AFF3: variants seen among roughly 807,000 people sequenced by gnomAD.
AFF3 encodes the protein ALF transcription elongation factor 3.
A neutral mutation model predicts 129.7 loss-of-function variants in AFF3; 32 were observed. The observed-to-expected ratio is 0.25, with a 90% CI of 0.19 to 0.33. The LOEUF is 0.33. Among genes scored for constraint, AFF3 ranks in the 10% least tolerant of loss-of-function variants. The pLI is 1.00. For synonymous variants in AFF3, 644 were observed against 635.4 expected (o/e 1.01, Z -0.20); for missense variants, 1,373 against 1,592.0 (o/e 0.86, Z 2.34).
intron 8 of AFF3, among the ~76,000 whole-genome samples, chr2:99,800,883 A>G (rs1228219553): frequency 6.6e-6 from 1 of 152,218 alleles, no homozygotes; most frequent in Non-Finnish European, 1.5e-5. Flanking sequence ...AGACTCACCC[A>G]TAGTGACAGA....
chr2:99,684,237 G>T (rs1382802755), intron 11 of AFF3, among the ~76,000 whole-genome samples: 1 of 152,206 alleles, frequency 6.6e-6, no homozygotes, highest in Non-Finnish European at 1.5e-5. Flanking sequence ...CAGCCATGGG[G>T]TCATTTAAGA....
At chr2:99,756,639 A>G (rs1682123234) in intron 8 of AFF3, among the ~76,000 whole-genome samples, 1 of 152,094 alleles carries the variant, frequency 6.6e-6, no homozygotes, top group African/African-American at 2.4e-5. Flanking sequence ...TTTTTCCCCC[A>G]AGACTGACAA....
rs557738125 is a variant in AFF3, at chr2:99,622,740, T to A, written c.1185-21119A>T. Among the ~76,000 whole-genome samples, 3 of 152,328 alleles carry A rather than the reference T, an allele frequency of 2.0e-5. No homozygotes were observed. The South Asian group carries it at 6.2e-4, about 32-fold the overall frequency. On this transcript the variant is annotated intron_variant, in intron 13 of 24. Transcript: ENST00000672756. ...CAGCAGGTTCTGAATGACCTGTGCA[T>A]CAGTGCTGGAGGACAAGGCAGGCCT...
intron 7 of AFF3, among the ~76,000 whole-genome samples, chr2:99,862,353 T>C (rs1214615720): frequency 1.3e-5 from 2 of 152,176 alleles, no homozygotes; most frequent in African/African-American, 4.8e-5. Flanking sequence ...TCCGGGGTGT[T>C]TTCTACTTAC....
intron 4 of AFF3, among the ~76,000 whole-genome samples, chr2:100,024,642 A>G (rs1272301458): frequency 2.0e-5 from 3 of 151,864 alleles, no homozygotes; most frequent in South Asian, 4.1e-4. Flanking sequence ...TTATTATAAA[A>G]CAAAAATAAT....
In AFF3 at chr2:99,558,914, G is replaced by A. The variant is rs1036133464; in HGVS notation, c.3246C>T (p.His1082=). Residue 1082 remains histidine, a synonymous_variant, in exon 22 of 25, where the codon CAC becomes CAT. Transcript: ENST00000672756. The stretch of plus-strand genomic sequence containing the variant: ...TTAGTGCTTTTGAATACTTTACAGC[G>A]TGGTCCCTTTTGAGTCGAAACATCC... ...YWRMFRLKRD[H]AVKYSKALID... The A allele has an allele frequency of 2.5e-6, 4 of 1,614,136 alleles. No individual in the cohort carries two copies. In the South Asian group the frequency reaches 4.4e-5, roughly 18 times the overall value.
At chr2:100,036,961 A>G (rs916051122) in intron 4 of AFF3, among the ~76,000 whole-genome samples, 2 of 152,318 alleles carry the variant, frequency 1.3e-5, no homozygotes, top group Middle Eastern at 3.4e-3. Context: ...GAGCGGCAGG[A>G]GGTCTCATGC....
At chr2:99,713,762 G>A (rs1340844635) in intron 11 of AFF3, among the ~76,000 whole-genome samples, 4 of 149,228 alleles carry the variant, frequency 2.7e-5, no homozygotes, top group African/African-American at 9.9e-5. Context: ...GCAATGGTGT[G>A]ACCTCAGCTC....
intron 13 of AFF3, among the ~76,000 whole-genome samples, chr2:99,603,407 C>G (rs1035556433): frequency 1.3e-5 from 2 of 152,112 alleles, no homozygotes; most frequent in African/African-American, 2.4e-5. Flanking sequence ...ATAAACGGTG[C>G]TGGGAGAACT....
chr2:99,882,796 T>C (rs979253671), intron 7 of AFF3, among the ~76,000 whole-genome samples: 9 of 152,208 alleles, frequency 5.9e-5, no homozygotes, highest in African/African-American at 1.7e-4. Context: ...AAAGAAACTG[T>C]AGTCTGGGCC....
intron 9 of AFF3, among the ~76,000 whole-genome samples, 156 bp downstream of exon 9, chr2:99,752,061 AAATG>A (rs1466928855): frequency 2.0e-5 from 3 of 152,354 alleles, no homozygotes; most frequent in Non-Finnish European, 2.9e-5. Flanking sequence ...CCCCTTTCAT[AAATG>A]AATAAGTATG....
intron 7 of AFF3, among the ~76,000 whole-genome samples, chr2:99,947,441 CAAAGATAG>C: frequency 1.4e-5 from 2 of 146,600 alleles, no homozygotes; most frequent in Non-Finnish European, 3.0e-5. Flanking sequence ...AGACCCCCTC[CAAAGATAG>C]AAAGACAGGA....
chr2:99,764,406 G>A (rs1464529813), intron 8 of AFF3, among the ~76,000 whole-genome samples: 1 of 152,052 alleles, frequency 6.6e-6, no homozygotes, highest in Non-Finnish European at 1.5e-5. Flanking sequence ...GACCTTTCTG[G>A]AGAATTCTTG....
At chr2:99,935,073 C>T (rs1332063650) in intron 7 of AFF3, among the ~76,000 whole-genome samples, 1 of 152,182 alleles carries the variant, frequency 6.6e-6, no homozygotes, top group Non-Finnish European at 1.5e-5. Context: ...CTCTTAAAAT[C>T]CCAGCACATT....
chr2:99,600,288 G>A (rs1450771599), intron 14 of AFF3, among the ~76,000 whole-genome samples: 3 of 152,118 alleles, frequency 2.0e-5, no homozygotes, highest in Admixed American at 6.5e-5. Flanking sequence ...GAGAAAATGA[G>A]GAGTGTGGGG....
At chr2:99,688,259 G>C (rs1675269287) in intron 11 of AFF3, among the ~76,000 whole-genome samples, 1 of 152,148 alleles carries the variant, frequency 6.6e-6, no homozygotes. Flanking sequence ...AGTGGTGCAG[G>C]CACTCTGTAC....
At chr2:99,874,002 G>A (rs978609233) in intron 7 of AFF3, among the ~76,000 whole-genome samples, 5 of 151,796 alleles carry the variant, frequency 3.3e-5, no homozygotes, top group African/African-American at 9.7e-5. Context: ...GTGAAACCCC[G>A]TCTCTACTAA....
chr2:99,581,408 T>A (rs956658787), intron 17 of AFF3, among the ~76,000 whole-genome samples: 3 of 152,226 alleles, frequency 2.0e-5, no homozygotes, highest in African/African-American at 2.4e-5. Flanking sequence ...TGCTGTAAGA[T>A]TTAGGCTCTC....
intron 11 of AFF3, among the ~76,000 whole-genome samples, chr2:99,713,988 A>T (rs1167129735): frequency 6.6e-6 from 1 of 152,186 alleles, no homozygotes; most frequent in African/African-American, 2.4e-5. Flanking sequence ...GGGGTGAGCC[A>T]CCATGCCCAG....
Sources: gnomAD v4.1 joint callset for allele counts (sites outside exome capture counted in the v4.1 genomes callset) on GRCh38, gnomAD v4.1.1 for gene constraint, MANE v1.5 for transcripts, NCBI Gene and HGNC (gene_info 2026-07-23, HGNC 2026-07-21) for gene names.